Variants in GALNT18 observed in about 807,000 individuals in gnomAD.
GALNT18 encodes polypeptide N-acetylgalactosaminyltransferase 18.
GALNT18 carries 44 observed loss-of-function variants against 69.5 expected under a neutral mutation model. The observed-to-expected ratio is 0.63, with a 90% CI of 0.50 to 0.81. The LOEUF (loss-of-function observed/expected upper bound fraction) is 0.81. Among genes scored for constraint, GALNT18 ranks in the 40% least tolerant of loss-of-function variants. The pLI is 0.00. For synonymous variants in GALNT18, 364 were observed against 318.2 expected (o/e 1.14, Z -1.53); for missense variants, 715 against 810.0 (o/e 0.88, Z 1.42).
Position 11,332,722 on chromosome 11 carries a change from A to T in GALNT18, c.1388T>A (p.Met463Lys). The change falls in exon 8 of 11, where the codon ATG becomes AAG. Residue 463 changes from methionine to lysine, a missense_variant. By Grantham distance (95) the Met-to-Lys change is moderately conservative. Coordinates refer to ENST00000227756, the MANE Select transcript of GALNT18 (RefSeq NM_198516.3). This position sits in a 1 kb window ranked among gnomAD's most constrained non-coding sequence, Gnocchi z 4.3. The part of the protein sequence containing the change: ...YLVSVYPEMR[M>K]YSDIIAYGVL... Reference sequence around the variant, plus strand: ...TCCATAGGCAATGATGTCGGAGTACATCCTCATCTCTGGGTACACGCTGAC... The same window carrying T: ...TCCATAGGCAATGATGTCGGAGTACTTCCTCATCTCTGGGTACACGCTGAC... 1 of 1,614,116 alleles carries T rather than the reference A, an allele frequency of 6.2e-7. No homozygotes were observed.
chr11:11,352,942 T>C (rs750105178), intron 6 of GALNT18: 1 of 1,614,096 alleles, frequency 6.2e-7, no homozygotes, highest in Non-Finnish European at 8.5e-7. Context: ...TCATTATTTG[T>C]GATGTTGATG....
intron 3 of GALNT18, among the ~76,000 whole-genome samples, chr11:11,407,931 A>G (rs1016240639): frequency 1.3e-5 from 2 of 152,036 alleles, no homozygotes; most frequent in Non-Finnish European, 1.5e-5. Flanking sequence ...GCAGTCATTC[A>G]CTCCTTGAAG....
intron 10 of GALNT18, among the ~76,000 whole-genome samples, chr11:11,290,142 G>GT (rs1302412112): frequency 6.6e-6 from 1 of 152,136 alleles, no homozygotes; most frequent in Admixed American, 6.5e-5. Flanking sequence ...GGTGATGCCT[G>GT]TCAACATTTC....
chr11:11,354,939 C>CA (rs1347153318), intron 6 of GALNT18, among the ~76,000 whole-genome samples: 1 of 152,130 alleles, frequency 6.6e-6, no homozygotes. Flanking sequence ...TCTCCACATC[C>CA]AATACATCGG....
chr11:11,389,869 C>CT lies in GALNT18; in HGVS notation c.596-10606dup, dbSNP rs2133712460. 6.6e-6 allele frequency among the ~76,000 whole-genome samples: 1 copy of CT among 152,276 alleles called. No homozygotes were observed. Among genetic ancestry groups the CT allele is most frequent in the South Asian group, 2.1e-4 (1 of 4,826 alleles). On this transcript the variant is annotated intron_variant, in intron 3 of 10. Transcript: ENST00000227756. This position sits in a 1 kb window ranked among gnomAD's most constrained non-coding sequence, Gnocchi z 4.3. ...TGAGCACTCAGGAAGGTCCAGTGCC[C>CT]TTAGCAGTTAAGCCAGAGGCCAACT...
intron 10 of GALNT18, among the ~76,000 whole-genome samples, chr11:11,275,812 C>T (rs12804188): frequency 0.19 from 28,215 of 151,984 alleles, 3,271 homozygotes; most frequent in Non-Finnish European, 0.26. Flanking sequence ...TTGCTTGTTT[C>T]AGTCAGGTTT....
At chr11:11,282,275 G>A (rs1350976107) in intron 10 of GALNT18, among the ~76,000 whole-genome samples, 3 of 152,164 alleles carry the variant, frequency 2.0e-5, no homozygotes, top group Non-Finnish European at 2.9e-5. Flanking sequence ...CACCGTGGGA[G>A]CAGCCTCCTG....
Position 11,583,658 on chromosome 11 carries a change from C to T in GALNT18, c.235+37701G>A, listed in dbSNP as rs764135856. Among the ~76,000 whole-genome samples the T allele has an allele frequency of 8.5e-5, 13 of 152,060 alleles. No homozygotes were observed. The highest frequency in any genetic ancestry group is 2.6e-4 in the Admixed American group (4 of 15,266). On this transcript the variant is annotated intron_variant, in intron 1 of 10. Transcript: ENST00000227756. This position sits in a 1 kb window ranked among gnomAD's most constrained non-coding sequence, Gnocchi z 4.7. ...CATGAGACGCCACTTCTTCAAATGC[C>T]GACATTTTGAAGAACACACACCAAG... is the stretch of plus-strand genomic sequence containing the variant.
rs139445100 is a variant in GALNT18 at position 11,529,570 on chromosome 11, C to A, written c.236-80634G>T. Among the ~76,000 whole-genome samples the A allele has an allele frequency of 6.5e-3, 986 of 152,226 alleles. 4 individuals are homozygous for A. Among genetic ancestry groups the A allele is most frequent in the Middle Eastern group, 0.017 (5 of 292 alleles). On this transcript the variant is annotated intron_variant, in intron 1 of 10. Coordinates refer to ENST00000227756, the MANE Select transcript of GALNT18 (RefSeq NM_198516.3). ...GACCTCCAGCTTACCAATTTCAGAT[C>A]TTGGGGCTTCTCCGCCTCAATAATA...
Position 11,372,151 on chromosome 11 carries a change from G to A in GALNT18, c.1092+364C>T, listed in dbSNP as rs889995988. Among the ~76,000 whole-genome samples, 18 of 152,184 alleles carry A rather than the reference G, an allele frequency of 1.2e-4. No individual in the cohort carries two copies. Among genetic ancestry groups the A allele is most frequent in the African/African-American group, 4.3e-4 (18 of 41,442 alleles). ...GACTGTCAAAGTGAGAAATCCCAAG[G>A]GGAGCTGACTCAGGGTCACTCTTGT... On this transcript the variant is annotated intron_variant, in intron 6 of 10. Coordinates refer to ENST00000227756, the MANE Select transcript of GALNT18 (RefSeq NM_198516.3). This position sits in a 1 kb window ranked among gnomAD's most constrained non-coding sequence, Gnocchi z 4.9.
At chr11:11,589,565 A>T (rs1409687194) in intron 1 of GALNT18, among the ~76,000 whole-genome samples, 1 of 150,592 alleles carries the variant, frequency 6.6e-6, no homozygotes, top group African/African-American at 2.5e-5. Flanking sequence ...CAACCACGAG[A>T]GGCATTCAGC....
Position 11,367,749 on chromosome 11 carries a change from C to T in GALNT18, c.1092+4766G>A, listed in dbSNP as rs16909538. Among the ~76,000 whole-genome samples the T allele has an allele frequency of 7.2e-3, 1,093 of 152,294 alleles. 14 individuals carry two copies. The highest frequency in any genetic ancestry group is 0.025 in the African/African-American group (1,044 of 41,558). On this transcript the variant is annotated intron_variant, in intron 6 of 10. Transcript: ENST00000227756. Reference sequence around the variant, plus strand: ...AGGCTAGGCTTTCTAATCAGTTTCTCCATGTCCGTTCCATACAACTGAGAA... The same window carrying T: ...AGGCTAGGCTTTCTAATCAGTTTCTTCATGTCCGTTCCATACAACTGAGAA...
chr11:11,384,859 T>C (rs1177774978), intron 3 of GALNT18, among the ~76,000 whole-genome samples: 4 of 152,240 alleles, frequency 2.6e-5, no homozygotes, highest in Non-Finnish European at 5.9e-5. Flanking sequence ...CCTTATGGAA[T>C]ATCCATGCTA....
chr11:11,570,675 T>A (rs939741776), intron 1 of GALNT18, among the ~76,000 whole-genome samples: 4 of 152,204 alleles, frequency 2.6e-5, no homozygotes, highest in Non-Finnish European at 5.9e-5. Flanking sequence ...ACACGCTCCA[T>A]TTTTTGCCTT....
intron 1 of GALNT18, among the ~76,000 whole-genome samples, chr11:11,558,868 T>TA (rs1279564877): frequency 2.0e-5 from 3 of 152,210 alleles, no homozygotes; most frequent in Non-Finnish European, 2.9e-5. Flanking sequence ...AGTCCCCACT[T>TA]ACTGTCCTGA....
At chr11:11,529,681 C>T (rs1857598949) in intron 1 of GALNT18, among the ~76,000 whole-genome samples, 1 of 151,716 alleles carries the variant, frequency 6.6e-6, no homozygotes, top group Non-Finnish European at 1.5e-5. Flanking sequence ...ATCATGTTTG[C>T]CACATGTGTG....
At chr11:11,495,238 C>G (rs1856846316) in intron 1 of GALNT18, among the ~76,000 whole-genome samples, 1 of 152,132 alleles carries the variant, frequency 6.6e-6, no homozygotes. Flanking sequence ...AGATGAAGAG[C>G]AGCATTTTTG....
At chr11:11,288,612 G>A (rs181002767) in intron 10 of GALNT18, among the ~76,000 whole-genome samples, 1 of 152,094 alleles carries the variant, frequency 6.6e-6, no homozygotes, top group Admixed American at 6.5e-5. Flanking sequence ...TTTGATGAAC[G>A]ACTAAAGGAA....
chr11:11,349,615 T>C lies in GALNT18; in HGVS notation c.1093-8611A>G, dbSNP rs945059003. Among the ~76,000 whole-genome samples the C allele has an allele frequency of 9.8e-5, 15 of 152,336 alleles. No individual in the cohort carries two copies. The East Asian group carries it at 2.5e-3, about 25-fold the overall frequency. On this transcript the variant is annotated intron_variant, in intron 6 of 10. Coordinates refer to ENST00000227756, the MANE Select transcript of GALNT18 (RefSeq NM_198516.3). ...TCTGAGAGAAGGCTCATGTCAACTT[T>C]GTCCTCACCAAGACACTAAACAGGG...
Sources: allele counts gnomAD v4.1 joint callset (sites outside exome capture counted in the v4.1 genomes callset), GRCh38; gene constraint gnomAD v4.1.1; non-coding constraint Gnocchi (gnomAD v3.1); transcripts MANE v1.5; gene names NCBI Gene and HGNC (gene_info 2026-07-23, HGNC 2026-07-21).